Variants in SYDE2 observed in about 807,000 individuals in gnomAD.
SYDE2 encodes synapse defective Rho GTPase homolog 2, also known as rho GTPase-activating protein SYDE2.
A neutral mutation model predicts 91.5 loss-of-function variants in SYDE2; 76 were observed. That is an observed-to-expected ratio of 0.83 (90% CI 0.69 to 1.01). The LOEUF is 1.01. Ranked by LOEUF, SYDE2 falls within the 50% of genes least tolerant of loss-of-function variation. SYDE2 has a pLI of 0.00. For synonymous variants in SYDE2, 513 were observed against 506.4 expected, an observed-to-expected ratio of 1.01 and a Z score of -0.18; for missense variants, 1,364 against 1,367.7, an observed-to-expected ratio of 1.00 and a Z score of 0.04.
intron 4 of SYDE2, among the ~76,000 whole-genome samples, chr1:85,176,696 T>C (rs996859437): frequency 6.6e-6 from 1 of 151,998 alleles, no homozygotes; most frequent in African/African-American, 2.4e-5. Flanking sequence ...ACACAGAAGA[T>C]CTGGAGATAC....
At chr1:85,188,697 G>T (rs114635986) in intron 2 of SYDE2, among the ~76,000 whole-genome samples, 1,627 of 152,286 alleles carry the variant, frequency 0.011, 21 homozygotes, top group African/African-American at 0.038. Flanking sequence ...TTCTGCCCAA[G>T]GGTTGAGGGA....
rs573852045 is a variant in SYDE2, at chr1:85,157,746, G to A, written c.*1004C>T. ...CCTTTAATTTAAATGTTCTTTCCCT[G>A]AAAAAAATACTTTAAGATAATAATT... On this transcript the variant is annotated 3_prime_UTR_variant, in exon 7 of 7. Coordinates refer to ENST00000341460, the MANE Select transcript of SYDE2 (RefSeq NM_032184.2). The A allele has an allele frequency of 1.3e-5, 2 of 151,788 alleles. No homozygotes were observed. The highest frequency in any genetic ancestry group is 3.9e-4 in the East Asian group (2 of 5,158). 9.4% of individuals were successfully genotyped at this position (151,788 alleles called of 1,614,324 possible). A position where few individuals can be genotyped will look rare whatever the true frequency, so the allele number is the denominator to read the frequency against.
chr1:85,183,330 G>A (rs1322249510), intron 2 of SYDE2, 130 bp from the exon 3 acceptor site: 13 of 748,832 alleles, frequency 1.7e-5, no homozygotes, highest in Non-Finnish European at 2.3e-5. Flanking sequence ...ATCTCAATGG[G>A]GAGATTTCAT....
intron 5 of SYDE2, among the ~76,000 whole-genome samples, chr1:85,168,579 G>GA (rs1230274712): frequency 6.6e-6 from 1 of 151,868 alleles, no homozygotes; most frequent in African/African-American, 2.4e-5. Context: ...GGATAAGGAG[G>GA]AAAAAACGAG....
rs1348463709 is a variant in SYDE2 at position 85,182,892 on chromosome 1, C to A, written c.1750G>T (p.Ala584Ser). 1.9e-6 allele frequency: 3 copies of A among 1,613,536 alleles called. No homozygotes were observed. Among genetic ancestry groups the A allele is most frequent in the African/African-American group, 2.7e-5 (2 of 74,906 alleles). The change falls in exon 3 of 7, where the codon GCT becomes TCT. Residue 584 changes from alanine (A) to serine (S), a missense_variant. Physicochemically the swap from Ala to Ser is moderately conservative, Grantham distance 99 (BLOSUM62 1). Coordinates refer to ENST00000341460, the MANE Select transcript of SYDE2 (RefSeq NM_032184.2). ...ILPSGNTTTA[A>S]KRNVISRYHL... ...TATCGGCTTATAACATTCCTCTTAG[C>A]AGCGGTGGTTGTGTTCCCAGAGGGC...
chr1:85,181,145 T>G (rs1278643417), intron 3 of SYDE2: 1 of 38,376 alleles, frequency 2.6e-5, no homozygotes, highest in African/African-American at 7.6e-5. Context: ...CTCCATTTTT[T>G]TTTTTTTTTT....
chr1:85,160,530 A>G (rs144045625), intron 6 of SYDE2: 11,721 of 975,128 alleles, frequency 0.012, 80 homozygotes, highest in Middle Eastern at 0.024. Flanking sequence ...TAATGTTAGT[A>G]TTAATATAGA....
downstream of SYDE2, among the ~76,000 whole-genome samples, chr1:85,155,022 A>AAAAAG (rs1553169510): frequency 3.8e-3 from 565 of 149,538 alleles, 4 homozygotes; most frequent in African/African-American, 0.013. Context: ...AAAAAAAAAA[A>AAAAAG]AAAGAAAAGA....
At chr1:85,165,655 GA>G (rs1278273745) in intron 5 of SYDE2, among the ~76,000 whole-genome samples, 1 of 150,970 alleles carries the variant, frequency 6.6e-6, no homozygotes, top group Non-Finnish European at 1.5e-5. Context: ...AGAAATGAAA[GA>G]AAAAAATTAC....
At chr1:85,174,837 G>T (rs1195558411) in intron 4 of SYDE2, among the ~76,000 whole-genome samples, 1 of 152,124 alleles carries the variant, frequency 6.6e-6, no homozygotes, top group South Asian at 2.1e-4. Context: ...AAAGGAAAAC[G>T]GAAACAATTT....
chr1:85,178,028 G>C, intron 4 of SYDE2, 118 bp downstream of exon 4: 1 of 878,830 alleles, frequency 1.1e-6, no homozygotes, highest in Non-Finnish European at 1.7e-6. Flanking sequence ...GTTTGTGAAG[G>C]AAGAAAAGAC....
intron 4 of SYDE2, among the ~76,000 whole-genome samples, chr1:85,170,857 T>C (rs1657479102): frequency 6.6e-6 from 1 of 152,246 alleles, no homozygotes; most frequent in South Asian, 2.1e-4. Context: ...TTCTTATCTT[T>C]TGTTTTTCCA....
At chr1:85,183,255 ATTC>A in intron 2 of SYDE2, 55 bp from the exon 3 acceptor site, 1 of 1,451,664 alleles carries the variant, frequency 6.9e-7, no homozygotes, top group South Asian at 1.5e-5. Flanking sequence ...GATTTCTTTT[ATTC>A]TTATTTTATA....
intron 2 of SYDE2, among the ~76,000 whole-genome samples, chr1:85,189,570 T>G (rs1294308546): frequency 6.6e-6 from 1 of 152,212 alleles, no homozygotes; most frequent in East Asian, 1.9e-4. Context: ...GCACAATGGC[T>G]CACACTTATA....
chr1:85,155,009 C>CAAAAAAAAAAAA, downstream of SYDE2, among the ~76,000 whole-genome samples: 7 of 80,654 alleles, frequency 8.7e-5, no homozygotes, highest in African/African-American at 1.3e-4. Context: ...AAGAATGCAG[C>CAAAAAAAAAAAA]AAAAAAAAAA....
rs200243711 is a variant in SYDE2 at position 85,182,316 on chromosome 1, G to A, written c.2326C>T (p.His776Tyr). Residue 776 changes from histidine to tyrosine, a missense_variant, in exon 3 of 7, where the codon CAT (histidine) becomes TAT (tyrosine). Coordinates refer to ENST00000341460, the MANE Select transcript of SYDE2 (RefSeq NM_032184.2). ...GGTTCAAGTTTGACAGCCAACTGAT[G>A]AGTCTTTGTCACTCTAAATAAGGTG... The part of the protein sequence containing the change: ...LPTLFRVTKT[H>Y]QLAVKLEPRG... The A allele has an allele frequency of 6.2e-7, 1 of 1,613,800 alleles. No homozygotes were observed.
At chr1:85,173,514 A>G (rs1320616901) in intron 4 of SYDE2, among the ~76,000 whole-genome samples, 4 of 152,246 alleles carry the variant, frequency 2.6e-5, no homozygotes, top group Admixed American at 6.5e-5. Context: ...AGTATATAGC[A>G]GAGTTTTGCT....
At chr1:85,189,224 ACTT>A (rs1658265561) in intron 2 of SYDE2, among the ~76,000 whole-genome samples, 1 of 152,104 alleles carries the variant, frequency 6.6e-6, no homozygotes, top group African/African-American at 2.4e-5. Flanking sequence ...TCTACATAAA[ACTT>A]CAATTACTTC....
At chr1:85,176,093 A>C (rs114741200) in intron 4 of SYDE2, among the ~76,000 whole-genome samples, 48 of 152,296 alleles carry the variant, frequency 3.2e-4, no homozygotes, top group African/African-American at 1.1e-3. Flanking sequence ...CATGTTTAAC[A>C]TAATTTTTAT....
Sources: gnomAD v4.1 joint callset for allele counts (sites outside exome capture counted in the v4.1 genomes callset) on GRCh38, gnomAD v4.1.1 for gene constraint, MANE v1.5 for transcripts, NCBI Gene and HGNC (gene_info 2026-07-23, HGNC 2026-07-21) for gene names.